Variants in ANKS1A observed in about 807,000 individuals in gnomAD.
ANKS1A encodes ankyrin repeat and sterile alpha motif domain containing 1A, also known as ankyrin repeat and SAM domain-containing protein 1A.
Under a neutral mutation model 120.3 loss-of-function variants are expected in ANKS1A, and 55 were observed. The ratio of observed to expected loss-of-function variants is 0.46; its 90% CI spans 0.37 to 0.57. The LOEUF is 0.57. Among genes scored for constraint, ANKS1A ranks in the 20% least tolerant of loss-of-function variants. The pLI, the probability that ANKS1A is intolerant of heterozygous loss-of-function variation, is 0.00. For missense variants in ANKS1A, 1,123 were observed against 1,480.3 expected (o/e 0.76, Z 3.96); for synonymous variants, 590 against 604.7 (o/e 0.98, Z 0.36).
At chr6:34,954,569 C>T (rs115758095) in intron 1 of ANKS1A, among the ~76,000 whole-genome samples, 273 of 152,298 alleles carry the variant, frequency 1.8e-3, no homozygotes, top group African/African-American at 6.4e-3. Flanking sequence ...ACTTGTGTCA[C>T]GTGTGCAATT....
At chr6:34,987,118 T>C (rs1426153508) in intron 8 of ANKS1A, among the ~76,000 whole-genome samples, 2 of 152,214 alleles carry the variant, frequency 1.3e-5, no homozygotes, top group Non-Finnish European at 2.9e-5. Context: ...TTTTTACTTG[T>C]GTATGTTGTG....
At chr6:35,073,450 G>A (rs988761490) in intron 13 of ANKS1A, among the ~76,000 whole-genome samples, 2 of 152,316 alleles carry the variant, frequency 1.3e-5, no homozygotes, top group East Asian at 1.9e-4. Flanking sequence ...AAGTCTGAGC[G>A]AGTCAGGACA....
intron 3 of ANKS1A, among the ~76,000 whole-genome samples, chr6:34,971,275 A>G (rs1217589440): frequency 6.6e-6 from 1 of 152,228 alleles, no homozygotes; most frequent in Admixed American, 6.5e-5. Flanking sequence ...AGAAAATGAA[A>G]AAGGCAGGAT....
intron 1 of ANKS1A, among the ~76,000 whole-genome samples, chr6:34,920,390 AT>A: frequency 6.6e-6 from 1 of 151,338 alleles, no homozygotes; most frequent in Non-Finnish European, 1.5e-5. Context: ...TAATTTTTAA[AT>A]TTTTTGTAGA....
chr6:34,983,166 C>A lies in ANKS1A; in HGVS notation c.862C>A (p.Arg288=). The A allele has an allele frequency of 6.2e-7, 1 of 1,614,146 alleles. No individual in the cohort carries two copies. Among genetic ancestry groups the A allele is most frequent in the South Asian group, 1.1e-5 (1 of 91,056 alleles). ...TGGACTGACTGCCCTAGACACTGTT[C>A]GGGAACTGCCTTCTCAAAAGAGCCA... ...NHGLTALDTV[R]ELPSQKSQQI... The change falls in exon 6 of 24, where the codon CGG becomes AGG. Residue 288 remains arginine (R), a synonymous_variant. Transcript: ENST00000360359.
intron 10 of ANKS1A, among the ~76,000 whole-genome samples, chr6:35,006,308 C>G (rs1214124099): frequency 6.9e-6 from 1 of 145,504 alleles, no homozygotes. Context: ...TTTTGAGGCT[C>G]TGTCTCAAAA....
intron 11 of ANKS1A, among the ~76,000 whole-genome samples, chr6:35,052,151 C>CA (rs1166977700): frequency 1.3e-5 from 2 of 151,856 alleles, no homozygotes; most frequent in African/African-American, 4.8e-5. Context: ...CTTATCTCTA[C>CA]AAAAAAGAAA....
At chr6:34,952,477 A>T (rs1770135053) in intron 1 of ANKS1A, among the ~76,000 whole-genome samples, 1 of 152,196 alleles carries the variant, frequency 6.6e-6, no homozygotes, top group African/African-American at 2.4e-5. Context: ...TTCCTACCAC[A>T]GCCTAATTAA....
chr6:34,924,792 G>A (rs879489362), intron 1 of ANKS1A, among the ~76,000 whole-genome samples: 3 of 152,132 alleles, frequency 2.0e-5, no homozygotes, highest in African/African-American at 4.8e-5. Flanking sequence ...GTCTTGCTCT[G>A]CCACCCAGGC....
At chr6:34,965,142 T>C (rs1167323153) in intron 1 of ANKS1A, among the ~76,000 whole-genome samples, 2 of 152,212 alleles carry the variant, frequency 1.3e-5, no homozygotes, top group African/African-American at 4.8e-5. Flanking sequence ...TAGAGTAAAC[T>C]TGTGCACTTA....
intron 3 of ANKS1A, among the ~76,000 whole-genome samples, chr6:34,977,397 ATT>A (rs35012141): frequency 5.4e-3 from 787 of 144,844 alleles, no homozygotes; most frequent in Non-Finnish European, 6.0e-3. Flanking sequence ...GCATTTTAGC[ATT>A]TTTTTTTTTT....
At chr6:34,987,227 C>T (rs1447397539) in intron 8 of ANKS1A, among the ~76,000 whole-genome samples, 2 of 152,144 alleles carry the variant, frequency 1.3e-5, no homozygotes, top group African/African-American at 4.8e-5. Flanking sequence ...CACTGTGGTA[C>T]TTCTAAGCCC....
At chr6:34,961,075 C>CT (rs1181074483) in intron 1 of ANKS1A, among the ~76,000 whole-genome samples, 1 of 152,220 alleles carries the variant, frequency 6.6e-6, no homozygotes, top group Non-Finnish European at 1.5e-5. Context: ...TCAAGGGCAG[C>CT]TATTGCATTT....
intron 1 of ANKS1A, among the ~76,000 whole-genome samples, chr6:34,941,910 C>T (rs9348955): frequency 0.088 from 13,451 of 152,204 alleles, 766 homozygotes; most frequent in East Asian, 0.34. Flanking sequence ...GGAAATGATA[C>T]TGAGATCCAG....
Position 35,086,203 on chromosome 6 carries a change from G to T in ANKS1A, c.3303+267G>T. On this transcript the variant is annotated intron_variant, in intron 22 of 23. Transcript: ENST00000360359. This position sits in a 1 kb window ranked among gnomAD's most constrained non-coding sequence, Gnocchi z 5.1. ...AGGCCGTCAAGGGGCTGCAGAGAGC[G>T]GCCTGCAGGCAGCCCCCAGTAACTG... 7.6e-7 allele frequency: 1 copy of T among 1,319,876 alleles called. No individual in the cohort carries two copies. 81.8% of individuals were successfully genotyped at this position (1,319,876 alleles called of 1,614,324 possible).
At chr6:34,999,316 A>T (rs1411530495) in intron 10 of ANKS1A, among the ~76,000 whole-genome samples, 2 of 151,880 alleles carry the variant, frequency 1.3e-5, no homozygotes, top group East Asian at 1.9e-4. Flanking sequence ...TTTGTTTTTG[A>T]CTTGACTTGG....
chr6:34,948,918 G>A (rs1221516798), intron 1 of ANKS1A, among the ~76,000 whole-genome samples: 1 of 152,184 alleles, frequency 6.6e-6, no homozygotes, highest in Non-Finnish European at 1.5e-5. Flanking sequence ...ATTCATCCCG[G>A]GCATGGTGTA....
At chr6:34,912,076 G>T (rs1199258749) in intron 1 of ANKS1A, among the ~76,000 whole-genome samples, 2 of 152,210 alleles carry the variant, frequency 1.3e-5, no homozygotes, top group African/African-American at 4.8e-5. Flanking sequence ...TATGAAAGCT[G>T]AGTATGTGAC....
intron 1 of ANKS1A, among the ~76,000 whole-genome samples, chr6:34,892,199 G>T (rs1766859293): frequency 6.6e-6 from 1 of 152,136 alleles, no homozygotes; most frequent in Admixed American, 6.5e-5. Flanking sequence ...TCTCATTCCT[G>T]TGACTCCTAG....
Sources: gnomAD v4.1 joint callset for allele counts (sites outside exome capture counted in the v4.1 genomes callset) on GRCh38, gnomAD v4.1.1 for gene constraint, Gnocchi (gnomAD v3.1) non-coding constraint, MANE v1.5 for transcripts, NCBI Gene and HGNC (gene_info 2026-07-23, HGNC 2026-07-21) for gene names.